NASP: variants seen among roughly 807,000 people sequenced by gnomAD.
NASP encodes NASP histone chaperone.
In NASP, 24 loss-of-function variants were observed where a neutral mutation model predicts 89.5. The observed-to-expected ratio is 0.27, with a 90% CI of 0.19 to 0.38. NASP has a LOEUF of 0.38. NASP is among the 10% of genes least tolerant of loss of function. The pLI, the probability that NASP is intolerant of heterozygous loss-of-function variation, is 1.00. For synonymous variants in NASP, 306 were observed against 324.7 expected (o/e 0.94, Z 0.62); for missense variants, 848 against 921.4 (o/e 0.92, Z 1.03).
intron 2 of NASP, among the ~76,000 whole-genome samples, chr1:45,591,672 C>T (rs191345267): frequency 5.9e-5 from 9 of 152,190 alleles, no homozygotes; most frequent in African/African-American, 1.4e-4. Context: ...CCCCCTGTAA[C>T]GTTTCCATCT....
chr1:45,606,331 G>A, intron 4 of NASP, 151 bp from the exon 5 acceptor site: 1 of 576,290 alleles, frequency 1.7e-6, no homozygotes, highest in Non-Finnish European at 3.1e-6. Flanking sequence ...CTAAAGTTTT[G>A]ATCATTGCTT....
At chr1:45,593,197 T>C (rs749703539) in intron 2 of NASP, among the ~76,000 whole-genome samples, 1 of 152,106 alleles carries the variant, frequency 6.6e-6, no homozygotes, top group Non-Finnish European at 1.5e-5. Flanking sequence ...ATTTGATGAA[T>C]CCAATTTTTA....
intron 4 of NASP, among the ~76,000 whole-genome samples, chr1:45,605,921 T>C (rs990637230): frequency 6.6e-6 from 1 of 151,468 alleles, no homozygotes; most frequent in Non-Finnish European, 1.5e-5. Context: ...GGATTACAAG[T>C]ATGCGCCACC....
In NASP at chr1:45,601,745, A is replaced by ATTTTTTTT. The variant is rs71056316; in HGVS notation, c.108-489_108-482dup. On this transcript the variant is annotated intron_variant, in intron 2 of 14. Coordinates refer to ENST00000350030, the MANE Select transcript of NASP (RefSeq NM_002482.4). ...TGTGATTAGATGAGCCGTTAAGAGA[A>ATTTTTTTT]TTTTTTTTTTTTTTTTTTTTTTTTT... Among the ~76,000 whole-genome samples the ATTTTTTTT allele has an allele frequency of 1.2e-3, 83 of 68,946 alleles. 16 individuals carry two copies. Among genetic ancestry groups the ATTTTTTTT allele is most frequent in the Admixed American group, 2.2e-3 (8 of 3,676 alleles). 45.2% of individuals were successfully genotyped at this position (68,946 alleles called of 152,430 possible).
At chr1:45,592,213 G>A (rs1643567534) in intron 2 of NASP, among the ~76,000 whole-genome samples, 1 of 152,166 alleles carries the variant, frequency 6.6e-6, no homozygotes, top group African/African-American at 2.4e-5. Context: ...TTGAACTCCC[G>A]ACCTCAGGTG....
chr1:45,618,031 A>T, intron 14 of NASP, 30 bp from the exon 15 acceptor site: 1 of 1,573,194 alleles, frequency 6.4e-7, no homozygotes, highest in Admixed American at 1.8e-5. Flanking sequence ...AACTAGGCTC[A>T]CTCATGCCCA....
chr1:45,611,364 T>A (rs1194834323), intron 6 of NASP: 1 of 152,104 alleles, frequency 6.6e-6, no homozygotes, highest in Non-Finnish European at 1.5e-5. Context: ...CTATAATTGC[T>A]TCAGAAGAAT....
At chr1:45,607,271 A>G in intron 5 of NASP, 50 bp from the exon 6 acceptor site, 2 of 1,569,444 alleles carry the variant, frequency 1.3e-6, no homozygotes, top group Admixed American at 1.8e-5. Context: ...TTATGCCTTT[A>G]TCATTAAACT....
At chr1:45,616,574 G>A in intron 12 of NASP, 52 bp from the exon 13 acceptor site, 2 of 1,575,926 alleles carry the variant, frequency 1.3e-6, no homozygotes. Flanking sequence ...AAAAGCCTCA[G>A]CATTGATCTC....
intron 3 of NASP, among the ~76,000 whole-genome samples, chr1:45,603,783 A>G (rs1643879812): frequency 6.6e-6 from 1 of 151,648 alleles, no homozygotes; most frequent in South Asian, 2.1e-4. Context: ...CTAATTTTGT[A>G]TTTTTAGTAG....
rs1180266704 is a variant in NASP at position 45,587,666 on chromosome 1, A to ATG, written c.59+3462_59+3463insGT. Among the ~76,000 whole-genome samples the ATG allele has an allele frequency of 2.4e-3, 129 of 52,692 alleles. 4 individuals carry two copies. Among genetic ancestry groups the ATG allele is most frequent in the African/African-American group, 0.01 (125 of 12,362 alleles). The allele number at this position is 52,692 out of a possible 152,430, so 34.6% of individuals were successfully genotyped here. On this transcript the variant is annotated intron_variant, in intron 1 of 14. Transcript: ENST00000350030. ...AGGTTTGTCTTGAGTTTTTTCATATATATATATATATATATATATATAATT... is the reference window on the plus strand; with the variant it reads ...AGGTTTGTCTTGAGTTTTTTCATATATGTATATATATATATATATATATAATT...
rs1329134617 is a variant in NASP at position 45,618,197 on chromosome 1, T to C, written c.*56T>C. ...GTGTTTTTGTATATAATGTATTTTTTCACTTTTGGAGGATTCTTTTTGTAT... is the reference window on the plus strand; with the variant it reads ...GTGTTTTTGTATATAATGTATTTTTCCACTTTTGGAGGATTCTTTTTGTAT... On this transcript the variant is annotated 3_prime_UTR_variant, in exon 15 of 15. Transcript: ENST00000350030. 2.1e-6 allele frequency: 3 copies of C among 1,401,328 alleles called. No homozygotes were observed. The Admixed American group carries it at 6.2e-5, about 29-fold the overall frequency. 86.8% of individuals were successfully genotyped at this position (1,401,328 alleles called of 1,614,324 possible).
Position 45,616,675 on chromosome 1 carries a change from C to T in NASP, c.2129C>T (p.Thr710Ile), listed in dbSNP as rs1248669108. The change falls in exon 13 of 15, where the codon ACT (threonine) becomes ATT (isoleucine). Residue 710 changes from threonine to isoleucine, a missense_variant. Thr to Ile is a moderately conservative substitution (Grantham distance 89, BLOSUM62 -1). Around this residue, in one of 5 missense-constraint regions of NASP, gnomAD observed 218 missense variants for 219.6 expected, o/e 0.99. Coordinates refer to ENST00000350030, the MANE Select transcript of NASP (RefSeq NM_002482.4). ...GGTGCTTCCTCATCAAATTGTGTGA[C>T]TGATATTTCCCACCTTGTCAGAAAG... ...TDGASSSNCV[T>I]DISHLVRKKR... 6.2e-7 allele frequency: 1 copy of T among 1,614,084 alleles called. No homozygotes were observed. The highest frequency in any genetic ancestry group is 1.1e-5 in the South Asian group (1 of 91,084).
intron 1 of NASP, among the ~76,000 whole-genome samples, chr1:45,590,716 C>G (rs1204967113): frequency 8.2e-6 from 1 of 121,554 alleles, no homozygotes; most frequent in Admixed American, 1.0e-4. Context: ...GACGGAGTCT[C>G]GCTGTGATAT....
At chr1:45,614,973 A>G (rs1469390807) in intron 9 of NASP, 40 bp from the exon 10 acceptor site, 1 of 1,556,378 alleles carries the variant, frequency 6.4e-7, no homozygotes, top group Non-Finnish European at 8.8e-7. Flanking sequence ...TTTATGTTGA[A>G]TGCTGTCCAT....
In NASP at chr1:45,587,185, G is replaced by GT. The variant is rs796390802; in HGVS notation, c.59+2989dup. Among the ~76,000 whole-genome samples, 595 of 150,808 alleles carry GT rather than the reference G, an allele frequency of 3.9e-3. 4 individuals carry two copies. Among genetic ancestry groups the GT allele is most frequent in the East Asian group, 0.024 (124 of 5,140 alleles). On this transcript the variant is annotated intron_variant, in intron 1 of 14. Coordinates refer to ENST00000350030, the MANE Select transcript of NASP (RefSeq NM_002482.4). ...TAGCTTTCTAACTAGTTCTTAGTTGGTTTTTTTTTGTTGTTTTTTTTTTGA... is the reference window on the plus strand; with the variant it reads ...TAGCTTTCTAACTAGTTCTTAGTTGGTTTTTTTTTTGTTGTTTTTTTTTTGA...
In NASP at chr1:45,591,231, A is replaced by T; in HGVS notation, c.68A>T (p.Asp23Val). Reference protein sequence around the residue: ...AELVSADKIEDVPAPSTSADK... With the variant: ...AELVSADKIEVVPAPSTSADK... The stretch of plus-strand genomic sequence containing the variant: ...TTAATTTTTTATTACAGAATTGAAG[A>T]TGTTCCTGCTCCTTCTACATCTGCA... Residue 23 changes from aspartate (D) to valine (V), a missense_variant, in exon 2 of 15, where the codon GAT becomes GTT. By Grantham distance (152) the Asp-to-Val change is radical (BLOSUM62 -3). Transcript: ENST00000350030. 2 of 1,537,648 alleles carry T rather than the reference A, an allele frequency of 1.3e-6. No individual in the cohort carries two copies. The highest frequency in any genetic ancestry group is 1.7e-6 in the Non-Finnish European group (2 of 1,144,214).
Position 45,615,341 on chromosome 1 carries a change from C to G in NASP, c.1892C>G (p.Ser631Trp). ...GAGCAGGTGAAGGAGGCTGAAGGAT[C>G]GTCTGCTGAATACAAGAAAGAAATT... ...LNEQVKEAEG[S>W]SAEYKKEIEE... is the part of the protein sequence containing the mutation. Residue 631 changes from serine to tryptophan, a missense_variant, in exon 11 of 15, where the codon TCG becomes TGG. Physicochemically the swap from Ser to Trp is radical, Grantham distance 177. Around this residue, in one of 5 missense-constraint regions of NASP, gnomAD observed 218 missense variants for 219.6 expected, o/e 0.99. Coordinates refer to ENST00000350030, the MANE Select transcript of NASP (RefSeq NM_002482.4). 3 of 1,614,124 alleles carry G rather than the reference C, an allele frequency of 1.9e-6. No individual in the cohort carries two copies. Among genetic ancestry groups the G allele is most frequent in the Non-Finnish European group, 2.5e-6 (3 of 1,180,008 alleles).
At chr1:45,610,684 C>CA (rs996304564) in intron 6 of NASP, 1 of 152,240 alleles carries the variant, frequency 6.6e-6, no homozygotes, top group Non-Finnish European at 1.5e-5. Context: ...ACGACAGCCT[C>CA]AAACTCCTAT....
Sources: allele counts gnomAD v4.1 joint callset (sites outside exome capture counted in the v4.1 genomes callset), GRCh38; gene constraint gnomAD v4.1.1; regional missense constraint gnomAD v4.1.1; transcripts MANE v1.5; gene names NCBI Gene and HGNC (gene_info 2026-07-23, HGNC 2026-07-21).